The following TG variants were observed in gnomAD, a reference collection of about 807,000 sequenced individuals.
The protein encoded by TG is thyroid hormones.
A neutral mutation model predicts 324.7 loss-of-function variants in TG; 270 were observed. The observed-to-expected ratio is 0.83, with a 90% confidence interval of 0.75 to 0.92. The LOEUF (loss-of-function observed/expected upper bound fraction) is 0.92, where lower values mean the gene tolerates loss of function less well. Ranked by LOEUF, TG falls within the 40% of genes least tolerant of loss-of-function variation. The pLI, the probability that TG is intolerant of heterozygous loss-of-function variation, is 0.00. For missense variants in TG, 3,591 were observed against 3,456.4 expected (o/e 1.04, Z -0.98); for synonymous variants, 1,401 against 1,327.0 (o/e 1.06, Z -1.21).
At chr8:132,937,168 A>G (rs1469394691) in intron 25 of TG, among the ~76,000 whole-genome samples, 1 of 152,176 alleles carries the variant, frequency 6.6e-6, no homozygotes, top group East Asian at 1.9e-4. Context: ...ATGACAGCCA[A>G]AGGGGGCTCG....
At chr8:132,967,148 T>TCCAA (rs1554683099) in intron 30 of TG, among the ~76,000 whole-genome samples, 35 of 142,974 alleles carry the variant, frequency 2.4e-4, no homozygotes, top group African/African-American at 9.3e-4. Context: ...CATCCATCCA[T>TCCAA]CCATCCACCC....
In TG at chr8:132,960,636, A is replaced by G. The variant is rs150270520; in HGVS notation, c.5402-372A>G. Among the ~76,000 whole-genome samples the G allele has an allele frequency of 3.3e-5, 5 of 152,334 alleles. No homozygotes were observed. The East Asian group carries it at 9.6e-4, about 29-fold the overall frequency. On this transcript the variant is annotated intron_variant, in intron 27 of 47. Transcript: ENST00000220616. ...TCAAAATCGCTGTCCACATTTACCA[A>G]TGAGGCAAGAGTCTCTGAGGAGTTA...
At chr8:133,003,565 C>T (rs1005485517) in intron 35 of TG, among the ~76,000 whole-genome samples, 1 of 151,888 alleles carries the variant, frequency 6.6e-6, no homozygotes, top group African/African-American at 2.4e-5. Flanking sequence ...GTATTATACC[C>T]CATAAATATG....
intron 35 of TG, chr8:132,994,762 G>A (rs1488052724): frequency 7.8e-7 from 1 of 1,288,662 alleles, no homozygotes. Flanking sequence ...AGAGGATGGA[G>A]TGAGGGCTTC....
chr8:133,049,732 A>G (rs1421447498), intron 41 of TG: 1 of 613,262 alleles, frequency 1.6e-6, no homozygotes. Flanking sequence ...CAGAAGAGAT[A>G]AGTTAGCCCA....
chr8:132,870,382 T>G (rs1245459562), intron 3 of TG, among the ~76,000 whole-genome samples: 1 of 146,540 alleles, frequency 6.8e-6, no homozygotes, highest in Non-Finnish European at 1.5e-5. Flanking sequence ...CTAGTATGGT[T>G]GTCATGGGGG....
chr8:132,901,672 G>A, intron 16 of TG, 119 bp downstream of exon 16: 1 of 1,095,266 alleles, frequency 9.1e-7, no homozygotes, highest in East Asian at 2.6e-5. Flanking sequence ...GGAAGTGCAG[G>A]AGGGATGTAG....
chr8:133,129,809 G>A (rs746555832), intron 45 of TG, among the ~76,000 whole-genome samples: 1 of 152,126 alleles, frequency 6.6e-6, no homozygotes, highest in South Asian at 2.1e-4. Context: ...TTATTTATCA[G>A]GTCATGACCT....
intron 45 of TG, among the ~76,000 whole-genome samples, chr8:133,122,157 A>G (rs139812710): frequency 2.6e-5 from 4 of 152,362 alleles, no homozygotes; most frequent in Non-Finnish European, 5.9e-5. Flanking sequence ...CTTATAGACT[A>G]TTGTAAACTG....
At chr8:132,931,382 A>G (rs1822697862) in intron 23 of TG, among the ~76,000 whole-genome samples, 1 of 152,252 alleles carries the variant, frequency 6.6e-6, no homozygotes, top group South Asian at 2.1e-4. Context: ...CCCATAATGA[A>G]AAATCAAGGT....
At chr8:133,065,125 C>T (rs1025043266) in intron 41 of TG, among the ~76,000 whole-genome samples, 1 of 152,156 alleles carries the variant, frequency 6.6e-6, no homozygotes, top group African/African-American at 2.4e-5. Context: ...AGTGGAGAAG[C>T]CTCAATGTCC....
chr8:132,931,377 A>G (rs1386496861), intron 23 of TG, among the ~76,000 whole-genome samples: 1 of 152,242 alleles, frequency 6.6e-6, no homozygotes, highest in Non-Finnish European at 1.5e-5. Context: ...TTCAGCCCAT[A>G]ATGAAAAATC....
rs1815720268 is a variant in TG, at chr8:132,888,325, C to A, written c.2518C>A (p.Pro840Thr). ...TGTCTTCCCGGTGCTGTCACAATAC[C>A]CTTCTCTGCAAGATGTCCCACTAGC... Reference protein sequence around the residue: ...QDVFPVLSQYPSLQDVPLAAL... With the variant: ...QDVFPVLSQYTSLQDVPLAAL... The change falls in exon 10 of 48, where the codon CCT becomes ACT. Residue 840 changes from proline (P) to threonine (T), a missense_variant. Transcript: ENST00000220616. The A allele has an allele frequency of 1.9e-6, 3 of 1,614,002 alleles. No individual in the cohort carries two copies. The highest frequency in any genetic ancestry group is 1.3e-5 in the African/African-American group (1 of 74,884).
At chr8:133,000,640 C>T (rs1174824018) in intron 35 of TG, among the ~76,000 whole-genome samples, 2 of 152,160 alleles carry the variant, frequency 1.3e-5, no homozygotes, top group African/African-American at 2.4e-5. Context: ...AGACAACACA[C>T]GGAGCACATC....
At chr8:132,970,431 C>A (rs899402906) in intron 32 of TG, among the ~76,000 whole-genome samples, 1 of 152,144 alleles carries the variant, frequency 6.6e-6, no homozygotes, top group Non-Finnish European at 1.5e-5. Context: ...CCTGCTGAAT[C>A]AGCATTTCCT....
At chr8:133,106,586 C>T (rs141069721) in intron 43 of TG, 173 of 381,510 alleles carry the variant, frequency 4.5e-4, no homozygotes, top group African/African-American at 3.6e-3. Flanking sequence ...CTCCCCCTCA[C>T]CCAGCTGTCC....
At chr8:132,943,909 C>A (rs1410011681) in intron 26 of TG, among the ~76,000 whole-genome samples, 1 of 152,186 alleles carries the variant, frequency 6.6e-6, no homozygotes, top group Non-Finnish European at 1.5e-5. Flanking sequence ...CTTCTCTTCT[C>A]CTTCAGCTTT....
chr8:132,906,204 G>C (rs1315240988), intron 16 of TG, among the ~76,000 whole-genome samples: 1 of 152,124 alleles, frequency 6.6e-6, no homozygotes, highest in Non-Finnish European at 1.5e-5. Flanking sequence ...GAAGAGACAT[G>C]GAGCAGGTGT....
At chr8:133,126,488 T>C (rs1031447629) in intron 45 of TG, among the ~76,000 whole-genome samples, 3 of 150,252 alleles carry the variant, frequency 2.0e-5, no homozygotes. Flanking sequence ...TAGTTGAAAG[T>C]TTTGAGTCTA....
Sources: gnomAD v4.1 joint callset for allele counts (sites outside exome capture counted in the v4.1 genomes callset) on GRCh38, gnomAD v4.1.1 for gene constraint, MANE v1.5 for transcripts, NCBI Gene and HGNC (gene_info 2026-07-23, HGNC 2026-07-21) for gene names.